The following IL4R variants were observed in gnomAD, a reference collection of about 807,000 sequenced individuals.
IL4R encodes interleukin-4 receptor subunit alpha.
In IL4R, 17 loss-of-function variants were observed where a neutral mutation model predicts 41.5. The ratio of observed to expected loss-of-function variants is 0.41; its 90% CI spans 0.28 to 0.61. The LOEUF is 0.61. Ranked by LOEUF, IL4R falls within the 20% of genes least tolerant of loss-of-function variation. The probability of loss-of-function intolerance (pLI) is 0.31; values close to 1 mark genes in which losing one functional copy is unlikely to be tolerated. For synonymous variants in IL4R, 402 were observed against 422.9 expected (o/e 0.95, Z 0.61); for missense variants, 974 against 1,043.1 (o/e 0.93, Z 0.91).
At position 27,364,041 on chromosome 16, in the gene IL4R, C is replaced by G; in HGVS notation, c.*211C>G. 2 of 596,016 alleles carry G rather than the reference C, an allele frequency of 3.4e-6. No individual in the cohort carries two copies. Among genetic ancestry groups the G allele is most frequent in the African/African-American group, 3.7e-5 (2 of 53,838 alleles). The allele number at this position is 596,016 out of a possible 1,614,324, so 36.9% of individuals were successfully genotyped here. On this transcript the variant is annotated 3_prime_UTR_variant, in exon 11 of 11. Coordinates refer to ENST00000395762, the MANE Select transcript of IL4R (RefSeq NM_000418.4). ...AGCATTGGGCTGGGCTCGCCACATC[C>G]CATGAGAGTAGAGGGCACTGGGTCG...
intron 1 of IL4R, among the ~76,000 whole-genome samples, chr16:27,318,214 T>G (rs1259905516): frequency 6.6e-6 from 1 of 152,238 alleles, no homozygotes. Flanking sequence ...AATTGATCTT[T>G]GGGTGCTTTC....
At chr16:27,336,676 C>CAAAAAAAAAAAAAAAAA (rs67336687) in intron 2 of IL4R, among the ~76,000 whole-genome samples, 1 of 68,312 alleles carries the variant, frequency 1.5e-5, no homozygotes, top group African/African-American at 4.9e-5. Context: ...AACTCTGTCT[C>CAAAAAAAAAAAAAAAAA]AAAAAAAAAA....
chr16:27,349,505 G>A (rs1430566269), intron 6 of IL4R, among the ~76,000 whole-genome samples: 13 of 152,162 alleles, frequency 8.5e-5, no homozygotes, highest in Admixed American at 7.9e-4. Context: ...AGAAGGGAAC[G>A]GTAGACCAGG....
rs146707861 is a variant in IL4R, at chr16:27,328,753, A to C, written c.-151-1313A>C. ...ATTTAAATTTGAGGTTACCTATTATACTCCCAACTTGAAAAACTAGCAGTA... is the reference window on the plus strand; with the variant it reads ...ATTTAAATTTGAGGTTACCTATTATCCTCCCAACTTGAAAAACTAGCAGTA... On this transcript the variant is annotated intron_variant, in intron 1 of 10. Coordinates refer to ENST00000395762, the MANE Select transcript of IL4R (RefSeq NM_000418.4). 1.7e-3 allele frequency among the ~76,000 whole-genome samples: 262 copies of C among 151,936 alleles called. 1 individual carries two copies. Among genetic ancestry groups the C allele is most frequent in the Middle Eastern group, 6.8e-3 (2 of 294 alleles).
intron 4 of IL4R, among the ~76,000 whole-genome samples, chr16:27,343,129 A>G (rs1364786258): frequency 6.6e-6 from 1 of 152,144 alleles, no homozygotes; most frequent in East Asian, 1.9e-4. Flanking sequence ...GCTTCGTTAC[A>G]CTGGTGCCCA....
At chr16:27,355,293 A>G in intron 7 of IL4R, 1 of 292,952 alleles carries the variant, frequency 3.4e-6, no homozygotes, top group Non-Finnish European at 7.0e-6. Context: ...GAATGTGACG[A>G]TGAAAGTGAA....
At position 27,362,776 on chromosome 16, in the gene IL4R, C is replaced by T. The variant is rs368022585; in HGVS notation, c.1424C>T (p.Pro475Leu). 8.1e-6 allele frequency: 13 copies of T among 1,614,108 alleles called. No individual in the cohort carries two copies. The highest frequency in any genetic ancestry group is 1.6e-4 in the Middle Eastern group (1 of 6,062). Residue 475 changes from proline to leucine, a missense_variant, in exon 11 of 11, where the codon CCG becomes CTG. By Grantham distance (98) the Pro-to-Leu change is moderately conservative. Around this residue, in one of 3 missense-constraint regions of IL4R, gnomAD observed 682 missense variants for 704.3 expected, o/e 0.97. Transcript: ENST00000395762. ...LHLEPSPPAS[P>L]TQSPDNLTCT... ...CTGGAGCCAAGTCCTCCTGCCAGCC[C>T]GACCCAGAGTCCAGACAACCTGACT...
At chr16:27,358,863 GCGTTCA>G in intron 8 of IL4R, 47 bp from the exon 9 acceptor site, 3 of 1,357,720 alleles carry the variant, frequency 2.2e-6, no homozygotes, top group Non-Finnish European at 3.2e-6. Flanking sequence ...TATGGGAGGA[GCGTTCA>G]CCTGTCAATA....
chr16:27,319,572 G>A (rs980269282), intron 1 of IL4R, among the ~76,000 whole-genome samples: 13 of 152,152 alleles, frequency 8.5e-5, no homozygotes, highest in African/African-American at 1.9e-4. Context: ...TGTGGGCAGC[G>A]CAGGACTGGT....
At chr16:27,357,826 ACCC>A (rs763012188) in intron 8 of IL4R, among the ~76,000 whole-genome samples, 1 of 149,618 alleles carries the variant, frequency 6.7e-6, no homozygotes, top group Non-Finnish European at 1.5e-5. Flanking sequence ...TTGAACTTCT[ACCC>A]CTTTATCTTT....
At chr16:27,361,667 G>A (rs1179564757) in intron 10 of IL4R, among the ~76,000 whole-genome samples, 1 of 147,918 alleles carries the variant, frequency 6.8e-6, no homozygotes, top group East Asian at 2.0e-4. Context: ...TCAGGCTGGA[G>A]TGCAGTGATT....
intron 7 of IL4R, chr16:27,355,340 A>G (rs1380765904): frequency 6.7e-6 from 2 of 298,816 alleles, no homozygotes; most frequent in Non-Finnish European, 1.4e-5. Context: ...GATGGCAGCT[A>G]ATGATGTGGA....
intron 3 of IL4R, 137 bp downstream of exon 3, chr16:27,340,410 T>C: frequency 1.5e-6 from 1 of 671,226 alleles, no homozygotes; most frequent in East Asian, 2.8e-5. Context: ...TGATTATCAG[T>C]AAATTCTAAA....
intron 4 of IL4R, among the ~76,000 whole-genome samples, chr16:27,344,338 G>T (rs368897012): frequency 2.3e-5 from 3 of 133,022 alleles, no homozygotes; most frequent in Admixed American, 7.8e-5. Flanking sequence ...CAAAAAACTC[G>T]TACCCCCTAA....
intron 1 of IL4R, among the ~76,000 whole-genome samples, chr16:27,321,593 C>T (rs983262556): frequency 1.2e-4 from 18 of 152,200 alleles, no homozygotes; most frequent in Non-Finnish European, 2.4e-4. Context: ...CTCCATGTTT[C>T]TCTTCTATAT....
chr16:27,345,598 CAAAAT>C lies in IL4R; in HGVS notation c.361+582_361+586del, dbSNP rs2085614356. 5.5e-6 allele frequency: 1 copy of C among 181,662 alleles called. No individual in the cohort carries two copies. Among genetic ancestry groups the C allele is most frequent in the Admixed American group, 5.5e-5 (1 of 18,242 alleles). 11.3% of individuals were successfully genotyped at this position (181,662 alleles called of 1,614,324 possible). On this transcript the variant is annotated intron_variant, in intron 5 of 10. Transcript: ENST00000395762. This position sits in a 1 kb window ranked among gnomAD's most constrained non-coding sequence, Gnocchi z 4.5. ...AGACCAAGTTTTAAAACAGATGAATCAAAATAAAGAAAAATACTCAGTAAATCATC... is the reference window on the plus strand; with the variant it reads ...AGACCAAGTTTTAAAACAGATGAATCAAAGAAAAATACTCAGTAAATCATC...
chr16:27,350,379 C>T (rs2085821512), intron 6 of IL4R, among the ~76,000 whole-genome samples: 1 of 152,266 alleles, frequency 6.6e-6, no homozygotes, highest in Middle Eastern at 3.4e-3. Flanking sequence ...ACACCCCACC[C>T]TCAGCTCCCT....
At chr16:27,325,110 T>C (rs2084921446) in intron 1 of IL4R, among the ~76,000 whole-genome samples, 1 of 152,132 alleles carries the variant, frequency 6.6e-6, no homozygotes, top group Non-Finnish European at 1.5e-5. Context: ...CAGACGGTGT[T>C]GTCCCCGGCC....
intron 2 of IL4R, among the ~76,000 whole-genome samples, chr16:27,330,845 T>G (rs2085095129): frequency 6.6e-6 from 1 of 152,096 alleles, no homozygotes; most frequent in Non-Finnish European, 1.5e-5. Context: ...GGGCTTGGAT[T>G]TTATTCTAAG....
Sources: gnomAD v4.1 joint callset for allele counts (sites outside exome capture counted in the v4.1 genomes callset) on GRCh38, gnomAD v4.1.1 for gene constraint, gnomAD v4.1.1 regional missense constraint, Gnocchi (gnomAD v3.1) non-coding constraint, MANE v1.5 for transcripts, NCBI Gene and HGNC (gene_info 2026-07-23, HGNC 2026-07-21) for gene names.